The following TEX9 variants were observed in gnomAD, a reference collection of about 807,000 sequenced individuals.
TEX9 encodes testis expressed 9.
Under a neutral mutation model 59.6 loss-of-function variants are expected in TEX9, and 74 were observed. The observed-to-expected ratio is 1.24, with a 90% confidence interval of 1.03 to 1.51. TEX9 has a LOEUF of 1.51. Among genes scored for constraint, TEX9 ranks in the 40% most tolerant of loss-of-function variants. TEX9 has a pLI of 0.00. For missense variants in TEX9, 522 were observed against 447.8 expected, an observed-to-expected ratio of 1.17 and a Z score of -1.49; for synonymous variants, 186 against 152.2, an observed-to-expected ratio of 1.22 and a Z score of -1.64.
chr15:56,443,440 C>T (rs758215067), intron 12 of TEX9: 2 of 1,575,744 alleles, frequency 1.3e-6, no homozygotes, highest in Non-Finnish European at 1.7e-6. Context: ...TTTTAGCTTG[C>T]TCTTATATAT....
At chr15:56,289,335 T>C (rs915051993) in intron 1 of TEX9, among the ~76,000 whole-genome samples, 5 of 152,166 alleles carry the variant, frequency 3.3e-5, no homozygotes, top group Non-Finnish European at 5.9e-5. Context: ...ATTCACTTGG[T>C]GGAGCAGTTG....
intron 1 of TEX9, among the ~76,000 whole-genome samples, chr15:56,343,895 T>C (rs1232056667): frequency 6.6e-6 from 1 of 152,060 alleles, no homozygotes; most frequent in Non-Finnish European, 1.5e-5. Context: ...AACGTAAAAA[T>C]GGACAATAAG....
At chr15:56,440,741 T>C (rs533058055) in intron 12 of TEX9, among the ~76,000 whole-genome samples, 25 of 152,352 alleles carry the variant, frequency 1.6e-4, no homozygotes, top group African/African-American at 4.8e-4. Context: ...TGATATCATT[T>C]ATATAACATT....
chr15:56,287,925 A>G (rs2044991793), intron 1 of TEX9, among the ~76,000 whole-genome samples: 1 of 152,196 alleles, frequency 6.6e-6, no homozygotes, highest in South Asian at 2.1e-4. Flanking sequence ...ATTCATTGAT[A>G]AACACTTAGG....
upstream of TEX9, among the ~76,000 whole-genome samples, chr15:56,364,853 T>A (rs1319918079): frequency 2.6e-5 from 4 of 152,226 alleles, no homozygotes; most frequent in African/African-American, 9.6e-5. Flanking sequence ...CGAATTCATT[T>A]GCTTCTCATA....
intron 6 of TEX9, 132 bp downstream of exon 6, chr15:56,389,532 A>G (rs2048111045): frequency 1.6e-6 from 1 of 617,728 alleles, no homozygotes; most frequent in Non-Finnish European, 2.8e-6. Flanking sequence ...CACCACATAT[A>G]TCTTATCCAC....
intron 1 of TEX9, among the ~76,000 whole-genome samples, chr15:56,277,285 T>G (rs2044694175): frequency 6.6e-6 from 1 of 152,220 alleles, no homozygotes; most frequent in African/African-American, 2.4e-5. Context: ...TAGGTTTTCT[T>G]CCAGGGTTTT....
intron 1 of TEX9, among the ~76,000 whole-genome samples, chr15:56,273,412 C>G (rs1006650312): frequency 2.0e-5 from 3 of 152,178 alleles, no homozygotes; most frequent in Admixed American, 6.5e-5. Context: ...AACTTTACAA[C>G]AGTACACTCC....
chr15:56,378,510 T>C (rs2047568743), intron 3 of TEX9, among the ~76,000 whole-genome samples: 1 of 152,156 alleles, frequency 6.6e-6, no homozygotes, highest in Non-Finnish European at 1.5e-5. Flanking sequence ...TATTGGCGTA[T>C]AGTTGCTCAT....
At chr15:56,400,421 G>T (rs1280587337) in intron 9 of TEX9, among the ~76,000 whole-genome samples, 1 of 152,012 alleles carries the variant, frequency 6.6e-6, no homozygotes, top group South Asian at 2.1e-4. Flanking sequence ...AAAGTGAGAA[G>T]ACAAGTTTAC....
At chr15:56,329,721 G>A (rs544003555) in intron 1 of TEX9, among the ~76,000 whole-genome samples, 2 of 152,080 alleles carry the variant, frequency 1.3e-5, no homozygotes, top group South Asian at 4.2e-4. Flanking sequence ...CATGAAGCTG[G>A]GCTATTTGAA....
At chr15:56,359,056 T>A (rs1385138081) in intron 1 of TEX9, among the ~76,000 whole-genome samples, 1 of 152,156 alleles carries the variant, frequency 6.6e-6, no homozygotes, top group East Asian at 1.9e-4. Context: ...CAGACTAATA[T>A]AATCACTTTA....
chr15:56,264,706 T>C (rs1362038234), intron 1 of TEX9, among the ~76,000 whole-genome samples: 1 of 152,236 alleles, frequency 6.6e-6, no homozygotes, highest in African/African-American at 2.4e-5. Flanking sequence ...TTATCCTACA[T>C]TATACTGCAG....
chr15:56,278,095 A>G (rs1305046995), intron 1 of TEX9, among the ~76,000 whole-genome samples: 4 of 151,816 alleles, frequency 2.6e-5, no homozygotes, highest in African/African-American at 4.8e-5. Flanking sequence ...AATTTTCAAT[A>G]TTTTTATTCA....
chr15:56,392,587 A>T (rs1271270859), intron 7 of TEX9, among the ~76,000 whole-genome samples: 1 of 152,166 alleles, frequency 6.6e-6, no homozygotes, highest in African/African-American at 2.4e-5. Flanking sequence ...AAACCATATC[A>T]GTTTATCTTT....
At chr15:56,282,140 G>C (rs957922467) in intron 1 of TEX9, among the ~76,000 whole-genome samples, 1 of 152,034 alleles carries the variant, frequency 6.6e-6, no homozygotes, top group Non-Finnish European at 1.5e-5. Context: ...TAATCCACCA[G>C]AACAGAAGGG....
At chr15:56,322,611 G>A (rs911309550) in intron 1 of TEX9, among the ~76,000 whole-genome samples, 5 of 152,122 alleles carry the variant, frequency 3.3e-5, no homozygotes, top group African/African-American at 1.2e-4. Flanking sequence ...ACTTGAAGGT[G>A]AGCTGAAGTT....
At chr15:56,260,991 T>C (rs1208279397) in intron 1 of TEX9, among the ~76,000 whole-genome samples, 1 of 151,904 alleles carries the variant, frequency 6.6e-6, no homozygotes, top group Non-Finnish European at 1.5e-5. Flanking sequence ...ATTATTCATT[T>C]TATATAGATT....
chr15:56,416,425 G>A (rs1256303405), intron 10 of TEX9, among the ~76,000 whole-genome samples: 3 of 151,846 alleles, frequency 2.0e-5, no homozygotes, highest in Non-Finnish European at 2.9e-5. Flanking sequence ...AACATAAAGG[G>A]TGTTGAATTT....
Sources: allele counts gnomAD v4.1 joint callset (sites outside exome capture counted in the v4.1 genomes callset), GRCh38; gene constraint gnomAD v4.1.1; transcripts MANE v1.5; gene names NCBI Gene and HGNC (gene_info 2026-07-23, HGNC 2026-07-21).